Variants in ATRN observed in about 807,000 individuals in gnomAD.
ATRN encodes attractin-2.
A neutral mutation model predicts 178.7 loss-of-function variants in ATRN; 54 were observed. The observed-to-expected ratio is 0.30, with a 90% CI of 0.24 to 0.38. The LOEUF (loss-of-function observed/expected upper bound fraction) is 0.38. Ranked by LOEUF, ATRN falls within the 10% of genes least tolerant of loss-of-function variation. ATRN has a pLI of 1.00. For missense variants in ATRN, 1,443 were observed against 1,815.1 expected, an observed-to-expected ratio of 0.79 and a Z score of 3.73; for synonymous variants, 636 against 663.0, an observed-to-expected ratio of 0.96 and a Z score of 0.63.
At chr20:3,593,918 TAAAGGCAAAGGA>T (rs1314687719) in intron 19 of ATRN, among the ~76,000 whole-genome samples, 2 of 152,116 alleles carry the variant, frequency 1.3e-5, no homozygotes, top group African/African-American at 2.4e-5. Context: ...CTATTTTCTG[TAAAGGCAAAGGA>T]AAAGGTGAAG....
At chr20:3,577,687 A>G (rs548785793) in intron 14 of ATRN, among the ~76,000 whole-genome samples, 243 of 152,192 alleles carry the variant, frequency 1.6e-3, no homozygotes, top group Non-Finnish European at 2.6e-3. Context: ...ACTCTTTTCT[A>G]TATCTCAGTG....
At chr20:3,589,567 C>T (rs534401311) in intron 18 of ATRN, among the ~76,000 whole-genome samples, 3 of 152,064 alleles carry the variant, frequency 2.0e-5, no homozygotes, top group East Asian at 1.9e-4. Context: ...TGTTGCTGTG[C>T]GTGTTTATCC....
intron 1 of ATRN, among the ~76,000 whole-genome samples, chr20:3,515,537 AC>A (rs2085195671): frequency 6.6e-6 from 1 of 152,198 alleles, no homozygotes; most frequent in South Asian, 2.1e-4. Flanking sequence ...TGTGAGATTT[AC>A]CTTATGTACC....
At chr20:3,512,107 A>ATTTTT (rs755934394) in intron 1 of ATRN, among the ~76,000 whole-genome samples, 34 of 106,378 alleles carry the variant, frequency 3.2e-4, no homozygotes, top group African/African-American at 4.0e-4. Context: ...ATATATATAT[A>ATTTTT]TTTTTTTTTT....
chr20:3,492,662 C>G (rs529103455), intron 1 of ATRN, among the ~76,000 whole-genome samples: 2 of 152,074 alleles, frequency 1.3e-5, no homozygotes, highest in Non-Finnish European at 2.9e-5. Context: ...CAGGAAGAAA[C>G]TAACAAAACT....
At chr20:3,561,046 C>T (rs1433030148) in intron 8 of ATRN, 141 bp downstream of exon 8, 22 of 1,120,780 alleles carry the variant, frequency 2.0e-5, no homozygotes, top group East Asian at 4.9e-5. Flanking sequence ...TGGGCCCAGG[C>T]GTGGTGGCCC....
intron 20 of ATRN, 90 bp from the exon 21 acceptor site, chr20:3,596,287 G>A (rs2146279479): frequency 1.5e-6 from 2 of 1,319,836 alleles, no homozygotes; most frequent in East Asian, 4.6e-5. Context: ...CAGACTATCT[G>A]TACTTTATAT....
At chr20:3,622,156 C>T (rs1298322378) in intron 24 of ATRN, among the ~76,000 whole-genome samples, 1 of 152,198 alleles carries the variant, frequency 6.6e-6, no homozygotes, top group Non-Finnish European at 1.5e-5. Context: ...CTGATAGCTC[C>T]ATCATGGAGT....
At chr20:3,555,511 G>T (rs2085865218) in intron 6 of ATRN, among the ~76,000 whole-genome samples, 1 of 151,914 alleles carries the variant, frequency 6.6e-6, no homozygotes, top group Admixed American at 6.6e-5. Flanking sequence ...AGAACTCAGA[G>T]CTTCTATTTA....
intron 2 of ATRN, among the ~76,000 whole-genome samples, chr20:3,539,536 G>C (rs2085588880): frequency 6.6e-6 from 1 of 152,166 alleles, no homozygotes; most frequent in Non-Finnish European, 1.5e-5. Context: ...TCTGGTTGCT[G>C]AGCATAAGCA....
At chr20:3,644,023 C>T (rs1357828514) in intron 27 of ATRN, 131 bp from the exon 28 acceptor site, 7 of 662,744 alleles carry the variant, frequency 1.1e-5, no homozygotes, top group Admixed American at 2.6e-5. Flanking sequence ...TTTTCATTAT[C>T]TTAAAAACTG....
At chr20:3,511,081 T>C (rs1341083849) in intron 1 of ATRN, among the ~76,000 whole-genome samples, 1 of 152,166 alleles carries the variant, frequency 6.6e-6, no homozygotes, top group Non-Finnish European at 1.5e-5. Flanking sequence ...AAGTATTATC[T>C]GTCAAACCTT....
At chr20:3,566,646 G>A (rs1022493266) in intron 11 of ATRN, among the ~76,000 whole-genome samples, 2 of 152,140 alleles carry the variant, frequency 1.3e-5, no homozygotes, top group Non-Finnish European at 2.9e-5. Flanking sequence ...GCTCACGCCT[G>A]TAATCCCAGC....
intron 13 of ATRN, among the ~76,000 whole-genome samples, 164 bp from the exon 14 acceptor site, chr20:3,576,695 G>GTCTGTCTATCTATCTATCTA (rs11472378): frequency 2.2e-3 from 320 of 142,380 alleles, no homozygotes; most frequent in South Asian, 3.7e-3. Context: ...CTGTCTGTCT[G>GTCTGTCTATCTATCTATCTA]TCTATCTATC....
chr20:3,624,923 A>G (rs1222840117), intron 25 of ATRN, among the ~76,000 whole-genome samples: 1 of 152,222 alleles, frequency 6.6e-6, no homozygotes, highest in Non-Finnish European at 1.5e-5. Flanking sequence ...TGAGCTACAC[A>G]TATGCTTATG....
At chr20:3,537,158 C>G (rs532785115) in intron 2 of ATRN, among the ~76,000 whole-genome samples, 1 of 152,314 alleles carries the variant, frequency 6.6e-6, no homozygotes, top group African/African-American at 2.4e-5. Context: ...TCAATCTCCT[C>G]AAAAAGTTCT....
intron 1 of ATRN, among the ~76,000 whole-genome samples, chr20:3,508,394 A>G (rs1026961662): frequency 6.6e-6 from 1 of 152,150 alleles, no homozygotes; most frequent in Non-Finnish European, 1.5e-5. Context: ...CTCCTGGGCC[A>G]TGTAAGATCT....
chr20:3,536,370 A>G (rs2085533385), intron 2 of ATRN, among the ~76,000 whole-genome samples: 1 of 151,908 alleles, frequency 6.6e-6, no homozygotes, highest in Admixed American at 6.6e-5. Flanking sequence ...CACCATGCCC[A>G]GCTAAGTTTT....
rs966737253 is a variant in ATRN, at chr20:3,635,031, G to GTA, written c.3942+654_3942+655dup. 3.8e-3 allele frequency among the ~76,000 whole-genome samples: 579 copies of GTA among 151,658 alleles called. 3 individuals are homozygous for GTA. The highest frequency in any genetic ancestry group is 0.013 in the African/African-American group (533 of 41,356). On this transcript the variant is annotated intron_variant, in intron 26 of 28. Coordinates refer to ENST00000262919, the MANE Select transcript of ATRN (RefSeq NM_139321.3). ...GTGGGGTGTGTATGTGCGTGTGTAT[G>GTA]TATATATATATATTTATATACATTT...
Sources: gnomAD v4.1 joint callset for allele counts (sites outside exome capture counted in the v4.1 genomes callset) on GRCh38, gnomAD v4.1.1 for gene constraint, MANE v1.5 for transcripts, NCBI Gene and HGNC (gene_info 2026-07-23, HGNC 2026-07-21) for gene names.